The following KAZN variants were observed in gnomAD, a reference collection of about 807,000 sequenced individuals.
The protein encoded by KAZN is kazrin.
A neutral mutation model predicts 87.4 loss-of-function variants in KAZN; 40 were observed. That is an observed-to-expected ratio of 0.46 (90% confidence interval 0.36 to 0.60). KAZN has a LOEUF of 0.60. KAZN is among the 20% of genes least tolerant of loss of function. KAZN has a pLI of 0.00. For missense variants in KAZN, 898 were observed against 1,073.9 expected (o/e 0.84, Z 2.29); for synonymous variants, 466 against 458.3 (o/e 1.02, Z -0.22).
At chr1:13,952,814 A>G (rs1290631998) in intron 1 of KAZN, among the ~76,000 whole-genome samples, 4 of 152,178 alleles carry the variant, frequency 2.6e-5, no homozygotes, top group Non-Finnish European at 5.9e-5. Flanking sequence ...CTGGACCACA[A>G]TTGTGCTGTG....
At position 14,732,214 on chromosome 1, in the gene KAZN, C is replaced by T. The variant is rs543213712; in HGVS notation, c.226+132991C>T. Among the ~76,000 whole-genome samples the T allele has an allele frequency of 3.9e-5, 6 of 152,302 alleles. No homozygotes were observed. In the South Asian group the frequency reaches 1.2e-3, roughly 32 times the overall value. ...ATTGGCCGTTGCTATGATTAAAAAGCAAGTACCACCAAGACCAGTGCAGAA... is the reference window on the plus strand; with the variant it reads ...ATTGGCCGTTGCTATGATTAAAAAGTAAGTACCACCAAGACCAGTGCAGAA... On this transcript the variant is annotated intron_variant, in intron 1 of 14. Transcript: ENST00000376030.
chr1:14,701,490 A>C (rs1041279822), intron 1 of KAZN, among the ~76,000 whole-genome samples: 1 of 152,154 alleles, frequency 6.6e-6, no homozygotes, highest in Non-Finnish European at 1.5e-5. Context: ...AGGAGTCCAC[A>C]CTCAAACAAG....
intron 8 of KAZN, among the ~76,000 whole-genome samples, chr1:15,068,522 C>T (rs1049659925): frequency 2.0e-5 from 3 of 152,034 alleles, no homozygotes; most frequent in Admixed American, 6.6e-5. Flanking sequence ...TGCTTTGGGG[C>T]GTGTTACTTC....
In KAZN at chr1:14,344,506, C is replaced by T. The variant is rs547290576; in HGVS notation, c.249+163914C>T. ...ACAGTGCTGGTTTAGGTGTTGGGGA[C>T]ATAGCAGAAGGCAAAACAAATAAAA... is the stretch of plus-strand genomic sequence containing the variant. On this transcript the variant is annotated intron_variant, in intron 2 of 16. Coordinates refer to the KAZN transcript ENST00000636203. 3.3e-5 allele frequency among the ~76,000 whole-genome samples: 5 copies of T among 152,110 alleles called. No homozygotes were observed. In the East Asian group the frequency reaches 9.7e-4, roughly 29 times the overall value.
chr1:14,910,655 C>T lies in KAZN; in HGVS notation c.227-50029C>T, dbSNP rs190149269. Among the ~76,000 whole-genome samples the T allele has an allele frequency of 2.7e-3, 412 of 152,266 alleles. 3 individuals carry two copies. Among genetic ancestry groups the T allele is most frequent in the Middle Eastern group, 0.01 (3 of 294 alleles). ...AGGAACTATGGCTCCAGCACAGAGA[C>T]GCTGCAGAGGAGGGCTCAAAATCCC... On this transcript the variant is annotated intron_variant, in intron 1 of 14. Coordinates refer to ENST00000376030, the MANE Select transcript of KAZN (RefSeq NM_201628.3).
At chr1:15,050,510 C>T (rs1466748705) in intron 4 of KAZN, among the ~76,000 whole-genome samples, 4 of 152,170 alleles carry the variant, frequency 2.6e-5, no homozygotes, top group Admixed American at 1.3e-4. Flanking sequence ...GAGGGATGAG[C>T]GGGCGGAGAA....
intron 1 of KAZN, among the ~76,000 whole-genome samples, chr1:14,655,852 G>C (rs1419840922): frequency 6.6e-6 from 1 of 152,186 alleles, no homozygotes. Flanking sequence ...GGCCAAAGAA[G>C]GGACCCAGAG....
At chr1:13,929,168 C>A (rs1640406281) in intron 1 of KAZN, among the ~76,000 whole-genome samples, 1 of 151,072 alleles carries the variant, frequency 6.6e-6, no homozygotes, top group Non-Finnish European at 1.5e-5. Context: ...AATCTTTCCA[C>A]CTCAGCCTCC....
At chr1:14,926,577 G>A (rs1222049629) in intron 1 of KAZN, among the ~76,000 whole-genome samples, 1 of 152,138 alleles carries the variant, frequency 6.6e-6, no homozygotes, top group Non-Finnish European at 1.5e-5. Flanking sequence ...ACCCTTTCTG[G>A]TCTCTGGTTC....
At chr1:14,133,433 G>T (rs61201670) in intron 1 of KAZN, among the ~76,000 whole-genome samples, 11 of 139,940 alleles carry the variant, frequency 7.9e-5, no homozygotes, top group African/African-American at 2.7e-4. Context: ...AAGAAAGAAA[G>T]AAAGAAAATA....
intron 1 of KAZN, among the ~76,000 whole-genome samples, chr1:14,625,032 C>T (rs899003199): frequency 6.6e-6 from 1 of 152,072 alleles, no homozygotes; most frequent in Non-Finnish European, 1.5e-5. Context: ...GTGCCAGAAA[C>T]CAAAATACAG....
rs193268778 is a variant in KAZN at position 14,770,689 on chromosome 1, A to G, written c.226+171466A>G. On this transcript the variant is annotated intron_variant, in intron 1 of 14. Coordinates refer to ENST00000376030, the MANE Select transcript of KAZN (RefSeq NM_201628.3). ...ACAAAGAAACTAGCAAAATATCTCC[A>G]AAGTCCCATTTGTCATTCTTAATAG... is the stretch of plus-strand genomic sequence containing the variant. 2.6e-3 allele frequency among the ~76,000 whole-genome samples: 403 copies of G among 152,318 alleles called. 1 individual carries two copies. Among genetic ancestry groups the G allele is most frequent in the African/African-American group, 8.8e-3 (367 of 41,566 alleles).
chr1:14,443,991 T>A (rs1666837654), intron 2 of KAZN, among the ~76,000 whole-genome samples: 1 of 152,084 alleles, frequency 6.6e-6, no homozygotes. Flanking sequence ...ACAGGTAAAT[T>A]GAAAGTTATA....
intron 2 of KAZN, among the ~76,000 whole-genome samples, chr1:14,557,441 C>A (rs1009397977): frequency 6.6e-6 from 1 of 151,778 alleles, no homozygotes; most frequent in African/African-American, 2.4e-5. Context: ...GAGAGAATGG[C>A]GTAGGTGTCA....
At chr1:14,097,044 C>T (rs775200576) in intron 1 of KAZN, among the ~76,000 whole-genome samples, 9 of 152,248 alleles carry the variant, frequency 5.9e-5, no homozygotes, top group Non-Finnish European at 1.2e-4. Context: ...GGCAAAATGC[C>T]ATTGTAGAGG....
At chr1:14,489,393 A>G (rs1669527312) in intron 2 of KAZN, among the ~76,000 whole-genome samples, 1 of 152,176 alleles carries the variant, frequency 6.6e-6, no homozygotes, top group South Asian at 2.1e-4. Context: ...AAATGTATCT[A>G]TATAAATTGG....
At chr1:14,082,518 T>A (rs535067765) in intron 1 of KAZN, among the ~76,000 whole-genome samples, 22 of 152,196 alleles carry the variant, frequency 1.4e-4, no homozygotes, top group Admixed American at 1.1e-3. Context: ...CTTGATTGCA[T>A]CCTGTGGGGA....
At chr1:14,702,610 G>T (rs190193731) in intron 1 of KAZN, among the ~76,000 whole-genome samples, 3 of 152,224 alleles carry the variant, frequency 2.0e-5, no homozygotes, top group Admixed American at 2.0e-4. Flanking sequence ...TATCGTGGGT[G>T]ATACACAATA....
At chr1:14,451,681 C>T (rs531123580) in intron 2 of KAZN, among the ~76,000 whole-genome samples, 3 of 152,190 alleles carry the variant, frequency 2.0e-5, no homozygotes, top group African/African-American at 7.2e-5. Context: ...GCTGAGAAGT[C>T]TCAAGATTTG....
Sources: allele counts gnomAD v4.1 joint callset (sites outside exome capture counted in the v4.1 genomes callset), GRCh38; gene constraint gnomAD v4.1.1; transcripts MANE v1.5; gene names NCBI Gene and HGNC (gene_info 2026-07-23, HGNC 2026-07-21).